The following MEIOSIN variants were observed in gnomAD, a reference collection of about 807,000 sequenced individuals.
The protein encoded by MEIOSIN is meiosis initiator protein.
In MEIOSIN, 18 loss-of-function variants were observed where a neutral mutation model predicts 23.4. The ratio of observed to expected loss-of-function variants is 0.77; its 90% CI spans 0.53 to 1.14. MEIOSIN has a LOEUF of 1.14. Ranked by LOEUF, MEIOSIN falls within the 50% of genes most tolerant of loss-of-function variation. The pLI, the probability that MEIOSIN is intolerant of heterozygous loss-of-function variation, is 0.00. For missense variants in MEIOSIN, 428 were observed against 242.9 expected, an observed-to-expected ratio of 1.76 and a Z score of -5.07; for synonymous variants, 187 against 100.6, an observed-to-expected ratio of 1.86 and a Z score of -5.14.
At chr19:45,743,147 C>T (rs1422814838) in intron 3 of MEIOSIN, among the ~76,000 whole-genome samples, 1 of 152,168 alleles carries the variant, frequency 6.6e-6, no homozygotes, top group Non-Finnish European at 1.5e-5. Context: ...GGATTCCCAT[C>T]CACTCAGTTG....
intron 4 of MEIOSIN, among the ~76,000 whole-genome samples, chr19:45,747,731 G>A (rs1968620218): frequency 6.6e-6 from 1 of 152,302 alleles, no homozygotes; most frequent in South Asian, 2.1e-4. Context: ...GGAAACTGAA[G>A]TGCAGAGAAT....
intron 3 of MEIOSIN, among the ~76,000 whole-genome samples, chr19:45,740,749 CAATAATAATAATAATAATAATAAT>C (rs201482275): frequency 7.1e-6 from 1 of 140,088 alleles, no homozygotes; most frequent in South Asian, 2.3e-4. Flanking sequence ...GACTCCATCT[CAATAATAATAATAATAATAATAAT>C]AATAATAATA....
intron 4 of MEIOSIN, among the ~76,000 whole-genome samples, chr19:45,747,260 G>A (rs1377553552): frequency 6.6e-6 from 1 of 152,150 alleles, no homozygotes; most frequent in East Asian, 1.9e-4. Flanking sequence ...CAGACAACCC[G>A]CATCCCGGGG....
rs1555782624 is a variant in MEIOSIN at position 45,740,794 on chromosome 19, T to TAATAAC, written c.176+1066_176+1067insTAACAA. Among the ~76,000 whole-genome samples the TAATAAC allele has an allele frequency of 4.1e-5, 6 of 145,692 alleles. 1 individual carries two copies. The highest frequency in any genetic ancestry group is 4.4e-4 in the South Asian group (2 of 4,506). ...ATAATAATAATAATAATAATAATAA[T>TAATAAC]AACAATGATAATAAAGTAACTAGGG... is the stretch of plus-strand genomic sequence containing the variant. On this transcript the variant is annotated intron_variant, in intron 3 of 14. Transcript: ENST00000457052.
At chr19:45,745,646 C>A (rs1968579849) in intron 4 of MEIOSIN, among the ~76,000 whole-genome samples, 1 of 152,168 alleles carries the variant, frequency 6.6e-6, no homozygotes, top group Non-Finnish European at 1.5e-5. Flanking sequence ...CTCAGGCTAC[C>A]CAGACTTTCT....
chr19:45,745,435 A>G (rs1331703307), intron 4 of MEIOSIN, 114 bp downstream of exon 4: 13 of 616,380 alleles, frequency 2.1e-5, no homozygotes, highest in Middle Eastern at 8.4e-4. Context: ...CAGCATTCAA[A>G]TGGGAATGGT....
chr19:45,759,519 G>C (rs981192918), intron 11 of MEIOSIN, 29 bp downstream of exon 11: 2 of 702,570 alleles, frequency 2.8e-6, no homozygotes, highest in African/African-American at 3.5e-5. Flanking sequence ...TCTGTCCACA[G>C]ACACATCCAT....
intron 3 of MEIOSIN, among the ~76,000 whole-genome samples, chr19:45,740,736 C>T (rs532361971): frequency 4.1e-5 from 6 of 146,540 alleles, no homozygotes; most frequent in South Asian, 2.2e-4. Context: ...GGCAACAAGG[C>T]GAGACTCCAT....
At chr19:45,757,328 T>C (rs1968851024) in intron 9 of MEIOSIN, 51 bp downstream of exon 9, 1 of 689,600 alleles carries the variant, frequency 1.5e-6, no homozygotes, top group Non-Finnish European at 2.7e-6. Context: ...GGCCTTCCCA[T>C]ACTTTCAGTC....
intron 3 of MEIOSIN, among the ~76,000 whole-genome samples, chr19:45,742,744 C>CTGAGAT (rs1352116626): frequency 6.6e-6 from 1 of 151,946 alleles, no homozygotes; most frequent in Non-Finnish European, 1.5e-5. Flanking sequence ...TTTGCAGAAG[C>CTGAGAT]TGAGATCGCG....
chr19:45,743,231 G>A (rs1358067291), intron 3 of MEIOSIN, among the ~76,000 whole-genome samples: 1 of 152,120 alleles, frequency 6.6e-6, no homozygotes, highest in African/African-American at 2.4e-5. Context: ...AACACCCAGG[G>A]ACTATGGTTT....
intron 3 of MEIOSIN, 22 bp downstream of exon 3, chr19:45,739,752 G>A (rs1302252659): frequency 8.5e-6 from 6 of 703,316 alleles, no homozygotes; most frequent in South Asian, 7.4e-5. Context: ...AGAAAAGGGG[G>A]GATTGGATGT....
intron 3 of MEIOSIN, among the ~76,000 whole-genome samples, chr19:45,744,922 G>A (rs900098609): frequency 1.1e-4 from 16 of 152,172 alleles, no homozygotes; most frequent in African/African-American, 3.9e-4. Flanking sequence ...GCAGGGTTGA[G>A]TGAACTATCA....
At chr19:45,759,091 G>A in intron 10 of MEIOSIN, 58 bp downstream of exon 10, 1 of 700,456 alleles carries the variant, frequency 1.4e-6, no homozygotes, top group South Asian at 1.5e-5. Context: ...CGGTGCCCAG[G>A]CCTGCGCTGG....
At chr19:45,741,666 C>T (rs1968506715) in intron 3 of MEIOSIN, among the ~76,000 whole-genome samples, 4 of 151,302 alleles carry the variant, frequency 2.6e-5, no homozygotes, top group Admixed American at 2.6e-4. Context: ...AGCCAAGAGC[C>T]TGCCACTGCA....
chr19:45,751,132 T>C (rs945794154), intron 5 of MEIOSIN, among the ~76,000 whole-genome samples: 11 of 151,658 alleles, frequency 7.3e-5, no homozygotes, highest in African/African-American at 2.7e-4. Context: ...AATTAGCTGG[T>C]GTGGTGGCTG....
At chr19:45,761,423 ATTTTTTTT>A (rs35838022) in intron 11 of MEIOSIN, among the ~76,000 whole-genome samples, 14 of 59,828 alleles carry the variant, frequency 2.3e-4, no homozygotes, top group East Asian at 1.7e-3. Context: ...CGCCTGGCCT[ATTTTTTTT>A]TTTTTTTTTT....
At chr19:45,747,029 T>C (rs1290919738) in intron 4 of MEIOSIN, among the ~76,000 whole-genome samples, 3 of 152,140 alleles carry the variant, frequency 2.0e-5, no homozygotes, top group Non-Finnish European at 4.4e-5. Context: ...GGAATAGCCC[T>C]TGGGGAGCCA....
chr19:45,738,319 A>C (rs560576725), intron 2 of MEIOSIN, among the ~76,000 whole-genome samples: 1 of 152,318 alleles, frequency 6.6e-6, no homozygotes, highest in South Asian at 2.1e-4. Flanking sequence ...ATAAACTGAA[A>C]ATATTGTATG....
Sources: gnomAD v4.1 joint callset for allele counts (sites outside exome capture counted in the v4.1 genomes callset) on GRCh38, gnomAD v4.1.1 for gene constraint, MANE v1.5 for transcripts, NCBI Gene and HGNC (gene_info 2026-07-23, HGNC 2026-07-21) for gene names.